The following TEX15 variants were observed in gnomAD, a reference collection of about 807,000 sequenced individuals.
The protein encoded by TEX15 is testis expressed 15, meiosis and synapsis associated.
TEX15 carries 171 observed loss-of-function variants against 237.3 expected under a neutral mutation model. The ratio of observed to expected loss-of-function variants is 0.72; its 90% confidence interval spans 0.64 to 0.82. TEX15 has a LOEUF of 0.82. Ranked by LOEUF, TEX15 falls within the 40% of genes least tolerant of loss-of-function variation. The pLI is 0.00. For missense variants in TEX15, 3,750 were observed against 3,646.5 expected, an observed-to-expected ratio of 1.03 and a Z score of -0.73; for synonymous variants, 1,338 against 1,269.8, an observed-to-expected ratio of 1.05 and a Z score of -1.14.
rs12682172 is a variant in TEX15, at chr8:30,899,147, C to T, written c.-85-330G>A. Among the ~76,000 whole-genome samples, 6 of 152,270 alleles carry T rather than the reference C, an allele frequency of 3.9e-5. No homozygotes were observed. The East Asian group carries it at 1.2e-3, about 29-fold the overall frequency. ...CTCACGCAGCTCTACTTGGGAAAAC[C>T]ACCTGTAACGCAGCACATGAGCTTG... On this transcript the variant is annotated intron_variant, in intron 1 of 10. Transcript: ENST00000643185.
At chr8:30,892,435 TC>T (rs1808813141) in intron 2 of TEX15, among the ~76,000 whole-genome samples, 1 of 152,224 alleles carries the variant, frequency 6.6e-6, no homozygotes, top group African/African-American at 2.4e-5. Flanking sequence ...ATCTTGTTCT[TC>T]CACAGCCTCT....
At chr8:30,836,725 C>T in intron 10 of TEX15, 78 bp downstream of exon 10, 1 of 1,278,164 alleles carries the variant, frequency 7.8e-7, no homozygotes. Flanking sequence ...TCATCACTTA[C>T]TGTGAATTTC....
In TEX15 at chr8:30,845,374, T is replaced by C. The variant is rs778020777; in HGVS notation, c.4793A>G (p.Lys1598Arg). The C allele has an allele frequency of 9.9e-6, 16 of 1,611,570 alleles. No homozygotes were observed. In the Admixed American group the frequency reaches 2.7e-4, roughly 27 times the overall value. ...LEKHSANHNV[K>R]DATKENSCDA... Reference sequence around the variant, plus strand: ...ACAACTGTTTTCTTTAGTTGCATCTTTAACATTATGATTTGCTGAATGTTT... The same window carrying C: ...ACAACTGTTTTCTTTAGTTGCATCTCTAACATTATGATTTGCTGAATGTTT... Residue 1598 changes from lysine (K) to arginine (R), a missense_variant, in exon 8 of 11, where the codon AAA (lysine) becomes AGA (arginine). By Grantham distance (26) the Lys-to-Arg change is conservative (BLOSUM62 2). Transcript: ENST00000643185.
At chr8:30,890,752 TTTATA>T (rs1249799585) in intron 2 of TEX15, 1 of 152,212 alleles carries the variant, frequency 6.6e-6, no homozygotes, top group African/African-American at 2.4e-5. Context: ...GAAAATATTC[TTTATA>T]TTTTTATTTT....
In TEX15 at chr8:30,846,374, G is replaced by T; in HGVS notation, c.3793C>A (p.Pro1265Thr). Residue 1265 changes from proline to threonine, a missense_variant, in exon 8 of 11, where the codon CCT becomes ACT. Physicochemically the swap from Pro to Thr is conservative, Grantham distance 38. Transcript: ENST00000643185. ...TCATCTATTGTTGTGACATTAGAAG[G>T]TTCAGTAAACAAAGATTCACTGTTC... ...NQNSESLFTE[P>T]SNVTTIDDGS... 6.2e-7 allele frequency: 1 copy of T among 1,613,252 alleles called. No individual in the cohort carries two copies. The highest frequency in any genetic ancestry group is 8.5e-7 in the Non-Finnish European group (1 of 1,179,660).
In TEX15 at chr8:30,848,357, G is replaced by A; in HGVS notation, c.1810C>T (p.Pro604Ser). Residue 604 changes from proline (P) to serine (S), a missense_variant, in exon 8 of 11, where the codon CCA (proline) becomes TCA (serine). Coordinates refer to ENST00000643185, the MANE Select transcript of TEX15 (RefSeq NM_001350162.2). ...TCAATGCTTACTTTCTTTTTGAGTG[G>A]AAAAACTGTAGACGTTTGGCAACCA... is the stretch of plus-strand genomic sequence containing the variant. ...QTGCQTSTVF[P>S]LKKKVSIDEY... 2 of 1,613,998 alleles carry A rather than the reference G, an allele frequency of 1.2e-6. No individual in the cohort carries two copies. The highest frequency in any genetic ancestry group is 1.6e-4 in the Middle Eastern group (1 of 6,062).
intron 1 of TEX15, among the ~76,000 whole-genome samples, chr8:30,899,242 C>A (rs552024903): frequency 1.1e-4 from 16 of 152,112 alleles, no homozygotes; most frequent in Non-Finnish European, 1.8e-4. Context: ...ATACATGCTA[C>A]ACACAGTATA....
At chr8:30,887,140 A>G in intron 3 of TEX15, 27 bp downstream of exon 3, 1 of 1,515,850 alleles carries the variant, frequency 6.6e-7, no homozygotes, top group Non-Finnish European at 8.8e-7. Flanking sequence ...TAGTTACTAA[A>G]AAAATTCCCA....
rs1393544748 is a variant in TEX15, at chr8:30,847,384, T to C, written c.2783A>G (p.Glu928Gly). 1 of 1,613,156 alleles carries C rather than the reference T, an allele frequency of 6.2e-7. No homozygotes were observed. The highest frequency in any genetic ancestry group is 8.5e-7 in the Non-Finnish European group (1 of 1,179,768). Residue 928 changes from glutamate (E) to glycine (G), a missense_variant, in exon 8 of 11, where the codon GAA (glutamate) becomes GGA (glycine). Glu to Gly is a moderately conservative substitution (Grantham distance 98). Transcript: ENST00000643185. ...FSTKFNLICR[E>G]DNAVSAATAL... ...AGTTGCTGCTGACACTGCATTATCT[T>C]CTCTGCAAATCAAGTTAAATTTAGT...
At position 30,848,945 on chromosome 8, in the gene TEX15, T is replaced by C; in HGVS notation, c.1222A>G (p.Ser408Gly). 6.2e-7 allele frequency: 1 copy of C among 1,614,176 alleles called. No homozygotes were observed. Among genetic ancestry groups the C allele is most frequent in the East Asian group, 2.2e-5 (1 of 44,870 alleles). The change falls in exon 8 of 11, where the codon AGT (serine) becomes GGT (glycine). Residue 408 changes from serine to glycine, a missense_variant. Physicochemically the swap from Ser to Gly is moderately conservative, Grantham distance 56 (BLOSUM62 0). Coordinates refer to ENST00000643185, the MANE Select transcript of TEX15 (RefSeq NM_001350162.2). ...LNWTSLKNIL[S>G]GLNASFPLHN... is the part of the protein sequence containing the mutation. ...AGAGGAAAAGAAGCATTAAGACCACTTAAAATATTTTTAAGACTTGTCCAA... is the reference window on the plus strand; with the variant it reads ...AGAGGAAAAGAAGCATTAAGACCACCTAAAATATTTTTAAGACTTGTCCAA...
chr8:30,843,146 T>A lies in TEX15; in HGVS notation c.7021A>T (p.Arg2341Ter), dbSNP rs1470544063. The A allele has an allele frequency of 6.2e-7, 1 of 1,613,132 alleles. No homozygotes were observed. The highest frequency in any genetic ancestry group is 1.1e-5 in the South Asian group (1 of 90,892). Reference protein sequence around the residue: ...GLEEDTIIASRKSDHPINEAT... With the variant: ...GLEEDTIIAS ...TCGTTTATTGGATGATCTGACTTTC[T>A]GGAAGCAATTATAGTATCCTCCTCA... Residue 2341 changes from arginine to a stop codon, truncating the protein, a stop_gained, in exon 8 of 11, where the codon AGA becomes TGA. Transcript: ENST00000643185. LOFTEE classifies it high-confidence loss of function.
chr8:30,837,325 T>C lies in TEX15; in HGVS notation c.8959A>G (p.Asn2987Asp). ...GAGTACTCTGCTCCTTGATTCACATTAAGGGTTATATGCCCAGATGCTCCA... is the reference window on the plus strand; with the variant it reads ...GAGTACTCTGCTCCTTGATTCACATCAAGGGTTATATGCCCAGATGCTCCA... ...TFGASGHITLNVNQGAEYSLS... is the reference protein window; with the variant it reads ...TFGASGHITLDVNQGAEYSLS... Residue 2987 changes from asparagine to aspartate, a missense_variant, in exon 10 of 11, where the codon AAT becomes GAT. Coordinates refer to ENST00000643185, the MANE Select transcript of TEX15 (RefSeq NM_001350162.2). The C allele has an allele frequency of 6.2e-7, 1 of 1,614,178 alleles. No homozygotes were observed. The highest frequency in any genetic ancestry group is 8.5e-7 in the Non-Finnish European group (1 of 1,180,026).
chr8:30,911,740 AC>A (rs1809223652), intron 1 of TEX15, among the ~76,000 whole-genome samples: 1 of 152,134 alleles, frequency 6.6e-6, no homozygotes, highest in Admixed American at 6.5e-5. Flanking sequence ...ATCCCTGGGC[AC>A]TGTCTCCCGA....
Position 30,843,333 on chromosome 8 carries a change from A to G in TEX15, c.6834T>C (p.Leu2278=). 1 of 1,611,938 alleles carries G rather than the reference A, an allele frequency of 6.2e-7. No individual in the cohort carries two copies. Among genetic ancestry groups the G allele is most frequent in the Non-Finnish European group, 8.5e-7 (1 of 1,179,426 alleles). ...AGGATTGTGTTCTCTCTTTCCAAACAAGATTTTTTGCAGCATCAAAAAAGA... is the reference window on the plus strand; with the variant it reads ...AGGATTGTGTTCTCTCTTTCCAAACGAGATTTTTTGCAGCATCAAAAAAGA... ...EHIFFDAAKN[L]VWKERTQSFS... The change falls in exon 8 of 11, where the codon CTT becomes CTC. Residue 2278 remains leucine, a synonymous_variant. Coordinates refer to ENST00000643185, the MANE Select transcript of TEX15 (RefSeq NM_001350162.2).
intron 7 of TEX15, among the ~76,000 whole-genome samples, chr8:30,857,452 A>C (rs576315765): frequency 3.4e-4 from 52 of 152,346 alleles, no homozygotes; most frequent in African/African-American, 1.2e-3. Context: ...TCATCAAAAA[A>C]CATTTGACAA....
rs767452645 is a variant in TEX15 at position 30,842,004 on chromosome 8, C to T, written c.8163G>A (p.Lys2721=). The T allele has an allele frequency of 3.8e-6, 6 of 1,569,362 alleles. No individual in the cohort carries two copies. Among genetic ancestry groups the T allele is most frequent in the Non-Finnish European group, 4.3e-6 (5 of 1,162,608 alleles). ...DTTVSSCKKL[K]VDMKDVTKIN... is the part of the protein sequence containing the mutation. ...AAGTTTTGTTTTAAAACATACATAC[C>T]TTTAGCTTTTTACAACTGGAAACAG... is the stretch of plus-strand genomic sequence containing the variant. Residue 2721 remains lysine (K), a splice_region_variant and synonymous_variant, in exon 8 of 11, where the codon AAG becomes AAA. Transcript: ENST00000643185.
intron 5 of TEX15, among the ~76,000 whole-genome samples, chr8:30,863,188 T>A (rs1808088048): frequency 6.6e-6 from 1 of 152,202 alleles, no homozygotes; most frequent in Non-Finnish European, 1.5e-5. Flanking sequence ...CAGTTGATCA[T>A]CCCTAATAAG....
chr8:30,847,571 C>T lies in TEX15; in HGVS notation c.2596G>A (p.Glu866Lys). ...KKQTDRENQN[E>K]AKENSASCVE... ...CATGAAGCACTATTCTCTTTAGCCT[C>T]ATTTTGGTTTTCTCTATCTGTTTGT... Residue 866 changes from glutamate to lysine, a missense_variant, in exon 8 of 11, where the codon GAG becomes AAG. By Grantham distance (56) the Glu-to-Lys change is moderately conservative. Coordinates refer to ENST00000643185, the MANE Select transcript of TEX15 (RefSeq NM_001350162.2). 1 of 1,612,774 alleles carries T rather than the reference C, an allele frequency of 6.2e-7. No individual in the cohort carries two copies. The highest frequency in any genetic ancestry group is 8.5e-7 in the Non-Finnish European group (1 of 1,179,774).
chr8:30,894,005 A>G (rs537936946), intron 2 of TEX15, among the ~76,000 whole-genome samples: 2 of 152,274 alleles, frequency 1.3e-5, no homozygotes, highest in Admixed American at 1.3e-4. Flanking sequence ...CTTCATATCT[A>G]ACATCTGGTT....
Sources: allele counts gnomAD v4.1 joint callset (sites outside exome capture counted in the v4.1 genomes callset), GRCh38; gene constraint gnomAD v4.1.1; transcripts MANE v1.5; gene names NCBI Gene and HGNC (gene_info 2026-07-23, HGNC 2026-07-21).